The following PHKA2 variants were observed in gnomAD, a reference collection of about 807,000 sequenced individuals.
PHKA2 encodes the protein phosphorylase kinase regulatory subunit alpha 2, also known as phosphorylase b kinase regulatory subunit alpha, liver isoform.
Under a neutral mutation model 102.0 loss-of-function variants are expected in PHKA2, and 31 were observed. The ratio of observed to expected loss-of-function variants is 0.30; its 90% CI spans 0.23 to 0.41. PHKA2 has a LOEUF of 0.41. Ranked by LOEUF, PHKA2 falls within the 10% of genes least tolerant of loss-of-function variation. The pLI is 1.00. For synonymous variants in PHKA2, 455 were observed against 416.2 expected (o/e 1.09, Z -1.13); for missense variants, 858 against 1,023.1 (o/e 0.84, Z 2.20).
chrX:18,920,599 C>T (rs2048100090), intron 17 of PHKA2, among the ~76,000 whole-genome samples: 1 of 112,233 alleles, frequency 8.9e-6, no homozygotes, highest in South Asian at 3.7e-4. Flanking sequence ...TGGGCACACT[C>T]GTTCCATTAT....
rs374048049 is a variant in PHKA2 at position 18,894,345 on chromosome X, C to T, written c.3396G>A (p.Pro1132=). Residue 1132 remains proline, a synonymous_variant, in exon 32 of 33, where the codon CCG becomes CCA. Coordinates refer to ENST00000379942, the MANE Select transcript of PHKA2 (RefSeq NM_000292.3). ...VHVESVLNRV[P]QPEYRQLLVE... is the part of the protein sequence containing the mutation. ...CCAGCAGCTGCCGGTACTCGGGCTGCGGCACGCGGTTCAGCACCGATTCGA... is the reference window on the plus strand; with the variant it reads ...CCAGCAGCTGCCGGTACTCGGGCTGTGGCACGCGGTTCAGCACCGATTCGA... 4.0e-5 allele frequency: 49 copies of T among 1,209,890 alleles called. No individual in the cohort carries two copies. The highest frequency in any genetic ancestry group is 2.3e-4 in the Middle Eastern group (1 of 4,372).
chrX:18,923,480 T>G (rs1336715205), intron 17 of PHKA2, among the ~76,000 whole-genome samples: 1 of 112,020 alleles, frequency 8.9e-6, no homozygotes, highest in African/African-American at 3.2e-5. Flanking sequence ...GCAAGCCCTC[T>G]ATCACTCAAG....
intron 12 of PHKA2, 72 bp downstream of exon 12, chrX:18,931,569 C>T (rs1207482727): frequency 2.8e-6 from 2 of 723,379 alleles, no homozygotes; most frequent in Admixed American, 4.4e-5. Flanking sequence ...GCAGAGAGTC[C>T]CTATGCCCTT....
chrX:18,931,337 T>C (rs941245914), intron 12 of PHKA2, among the ~76,000 whole-genome samples: 1 of 111,686 alleles, frequency 9.0e-6, no homozygotes, highest in African/African-American at 3.3e-5. Context: ...CTAACAATCC[T>C]GGCCCAGAAA....
chrX:18,894,044 A>G lies in PHKA2; in HGVS notation c.3537+160T>C, dbSNP rs1380868925. ...TCCCCAAAGGTCTTGAGATTTCCCA[A>G]GTGGCCACTGTACCATTTTCTAAGC... is the stretch of plus-strand genomic sequence containing the variant. On this transcript the variant is annotated intron_variant, in intron 32 of 32. Coordinates refer to ENST00000379942, the MANE Select transcript of PHKA2 (RefSeq NM_000292.3). 7 of 524,855 alleles carry G rather than the reference A, an allele frequency of 1.3e-5. No homozygotes were observed. In the Admixed American group the frequency reaches 1.6e-4, roughly 12 times the overall value. The allele number at this position is 524,855 out of a possible 1,213,427, so 43.3% of individuals were successfully genotyped here. A position where few individuals can be genotyped will look rare whatever the true frequency, so the allele number is the denominator to read the frequency against.
At position 18,902,291 on chromosome X, in the gene PHKA2, A is replaced by G. The variant is rs2047702639; in HGVS notation, c.2909-688T>C. ...GCTAGGACCACAGGTGTGCGCCACC[A>G]TACCTGGCTAATTTTTTGTATGTTT... On this transcript the variant is annotated intron_variant, in intron 26 of 32. Coordinates refer to ENST00000379942, the MANE Select transcript of PHKA2 (RefSeq NM_000292.3). Among the ~76,000 whole-genome samples, 3 of 108,092 alleles carry G rather than the reference A, an allele frequency of 2.8e-5. No homozygotes were observed. The South Asian group carries it at 1.2e-3, about 45-fold the overall frequency. 93.9% of individuals were successfully genotyped at this position (108,092 alleles called of 115,157 possible). A position where few individuals can be genotyped will look rare whatever the true frequency, so the allele number is the denominator to read the frequency against.
At position 18,935,436 on chromosome X, in the gene PHKA2, G is replaced by A. The variant is rs902133160; in HGVS notation, c.1137+619C>T. Among the ~76,000 whole-genome samples the A allele has an allele frequency of 7.2e-5, 8 of 111,449 alleles. No individual in the cohort carries two copies. The Admixed American group carries it at 7.6e-4, about 11-fold the overall frequency. On this transcript the variant is annotated intron_variant, in intron 11 of 32. Transcript: ENST00000379942. ...CGTCTGTGGAAGTGTGTAAGAACAC[G>A]GTGCACAATGGGTTTACGCTCTTTA... is the stretch of plus-strand genomic sequence containing the variant.
intron 1 of PHKA2, among the ~76,000 whole-genome samples, chrX:18,982,110 A>AC (rs1388736405): frequency 8.9e-6 from 1 of 111,816 alleles, no homozygotes; most frequent in Non-Finnish European, 1.9e-5. Flanking sequence ...GGGAAAAATA[A>AC]CCTTGATTTG....
In PHKA2 at chrX:18,974,521, G is replaced by C. The variant is rs186617785; in HGVS notation, c.78+9334C>G. Among the ~76,000 whole-genome samples the C allele has an allele frequency of 1.7e-4, 19 of 111,544 alleles. No homozygotes were observed. In the East Asian group the frequency reaches 4.8e-3, roughly 28 times the overall value. ...TTCCGACTTCCATCTTAGTCAGTTT[G>C]GGTTGTTTTAACAAAATACCATAGA... On this transcript the variant is annotated intron_variant, in intron 1 of 32. Coordinates refer to ENST00000379942, the MANE Select transcript of PHKA2 (RefSeq NM_000292.3).
At chrX:18,937,391 T>C (rs1292552507) in intron 10 of PHKA2, among the ~76,000 whole-genome samples, 1 of 111,342 alleles carries the variant, frequency 9.0e-6, no homozygotes, top group Admixed American at 9.6e-5. Flanking sequence ...GCACAGGGAC[T>C]ATACCCGTGA....
chrX:18,923,824 T>C (rs1220394374), intron 17 of PHKA2, among the ~76,000 whole-genome samples: 1 of 111,857 alleles, frequency 8.9e-6, no homozygotes, highest in Non-Finnish European at 1.9e-5. Flanking sequence ...CCTCCCTATG[T>C]CCGAGGCCTC....
rs1373031362 is a variant in PHKA2, at chrX:18,940,055, AG to A, written c.865-8del. On this transcript the variant is annotated splice_region_variant and splice_polypyrimidine_tract_variant and intron_variant, in intron 8 of 32. Coordinates refer to ENST00000379942, the MANE Select transcript of PHKA2 (RefSeq NM_000292.3). ...GACAGCATCCATAACGCCCCTAATA[AG>A]AGAAAGTACATTCGATGAGCTCAGA... 8.5e-7 allele frequency: 1 copy of A among 1,182,119 alleles called. No individual in the cohort carries two copies. Among genetic ancestry groups the A allele is most frequent in the East Asian group, 3.0e-5 (1 of 33,718 alleles).
At chrX:18,936,223 GA>G (rs759729811) in intron 10 of PHKA2, 73 bp from the exon 11 acceptor site, 7 of 686,089 alleles carry the variant, frequency 1.0e-5, no homozygotes, top group East Asian at 3.4e-5. Flanking sequence ...GTGCAACATA[GA>G]AAAAAAGCTC....
chrX:18,982,892 T>C (rs2049194576), intron 1 of PHKA2, among the ~76,000 whole-genome samples: 1 of 112,244 alleles, frequency 8.9e-6, no homozygotes, highest in Admixed American at 9.4e-5. Flanking sequence ...CTATACCTTA[T>C]GCATAAATGT....
At chrX:18,966,236 C>T (rs573821038) in intron 1 of PHKA2, among the ~76,000 whole-genome samples, 4 of 108,939 alleles carry the variant, frequency 3.7e-5, no homozygotes, top group African/African-American at 6.7e-5. Flanking sequence ...TACAGGTGTG[C>T]GACACCACAC....
Position 18,939,953 on chromosome X carries a change from G to A in PHKA2, c.918+42C>T, listed in dbSNP as rs190776735. 89 of 896,901 alleles carry A rather than the reference G, an allele frequency of 9.9e-5. No individual in the cohort carries two copies. The African/African-American group carries it at 1.5e-3, about 15-fold the overall frequency. The allele number at this position is 896,901 out of a possible 1,213,427, so 73.9% of individuals were successfully genotyped here. A position where few individuals can be genotyped will look rare whatever the true frequency, so the allele number is the denominator to read the frequency against. On this transcript the variant is annotated intron_variant, in intron 9 of 32. Transcript: ENST00000379942. ...AACAACACATTGGCAACTTAGAGAT[G>A]AAACAGTTGAGGAAAGATAAGAAAC...
In PHKA2 at chrX:18,905,877, G is replaced by C. The variant is rs373513953; in HGVS notation, c.2807-18C>G. ...CTCTTCTCCTAAAAACAAATATCTT[G>C]TAAGTGTCCCAAACACAGGGCTGGT... is the stretch of plus-strand genomic sequence containing the variant. On this transcript the variant is annotated intron_variant, in intron 25 of 32. Coordinates refer to ENST00000379942, the MANE Select transcript of PHKA2 (RefSeq NM_000292.3). 1.8e-6 allele frequency: 2 copies of C among 1,114,792 alleles called. No individual in the cohort carries two copies. Among genetic ancestry groups the C allele is most frequent in the Non-Finnish European group, 2.5e-6 (2 of 807,833 alleles). 91.9% of individuals were successfully genotyped at this position (1,114,792 alleles called of 1,213,427 possible).
At chrX:18,975,912 C>T (rs2049081998) in intron 1 of PHKA2, among the ~76,000 whole-genome samples, 1 of 109,562 alleles carries the variant, frequency 9.1e-6, no homozygotes, top group South Asian at 4.0e-4. Context: ...CATATCATTC[C>T]CCTGCTCAAA....
chrX:18,930,604 C>A (rs992592325), intron 12 of PHKA2, among the ~76,000 whole-genome samples: 1 of 111,130 alleles, frequency 9.0e-6, no homozygotes, highest in Admixed American at 9.6e-5. Context: ...GAAACCGAAG[C>A]CCAGAGATTA....
Sources: allele counts gnomAD v4.1 joint callset (sites outside exome capture counted in the v4.1 genomes callset), GRCh38; gene constraint gnomAD v4.1.1; transcripts MANE v1.5; gene names NCBI Gene and HGNC (gene_info 2026-07-23, HGNC 2026-07-21).